Variants in PDZK1 observed in about 807,000 individuals in gnomAD.
PDZK1 encodes PDZ domain containing 1, also known as Na(+)/H(+) exchange regulatory cofactor NHE-RF3.
A neutral mutation model predicts 38.1 loss-of-function variants in PDZK1; 23 were observed. That is an observed-to-expected ratio of 0.60 (90% CI 0.43 to 0.85). The LOEUF (loss-of-function observed/expected upper bound fraction) is 0.85, where lower values mean the gene tolerates loss of function less well. Among genes scored for constraint, PDZK1 ranks in the 40% least tolerant of loss-of-function variants. PDZK1 has a pLI of 0.00. For missense variants in PDZK1, 297 were observed against 504.3 expected (o/e 0.59, Z 3.94); for synonymous variants, 98 against 186.2 (o/e 0.53, Z 3.86).
intron 1 of PDZK1, among the ~76,000 whole-genome samples, chr1:145,693,771 CAAA>C (rs35999622): frequency 7.2e-6 from 1 of 139,720 alleles, no homozygotes. Flanking sequence ...GAGACTCCAC[CAAA>C]AAAAAAAAAA....
chr1:145,689,847 T>C (rs1655095851), intron 1 of PDZK1, among the ~76,000 whole-genome samples: 1 of 152,032 alleles, frequency 6.6e-6, no homozygotes, highest in Admixed American at 6.5e-5. Context: ...AAGATAGCCA[T>C]CCCTGACCTT....
chr1:145,679,162 T>A (rs1653997571), intron 5 of PDZK1, among the ~76,000 whole-genome samples: 1 of 151,124 alleles, frequency 6.6e-6, no homozygotes, highest in Non-Finnish European at 1.5e-5. Flanking sequence ...CTTCACCAGA[T>A]GCTGCCTTTT....
At chr1:145,691,130 G>T (rs782066167) in intron 1 of PDZK1, among the ~76,000 whole-genome samples, 1 of 152,142 alleles carries the variant, frequency 6.6e-6, no homozygotes, top group African/African-American at 2.4e-5. Context: ...TATGGCCATC[G>T]ATCTGCATGT....
At chr1:145,701,392 T>G (rs937935824) in intron 1 of PDZK1, among the ~76,000 whole-genome samples, 6 of 151,666 alleles carry the variant, frequency 4.0e-5, no homozygotes, top group African/African-American at 1.5e-4. Flanking sequence ...AGACATTACT[T>G]GCTTTCCACT....
In PDZK1 at chr1:145,677,367, C is replaced by T. The variant is rs587698198; in HGVS notation, c.990+1082G>A. 5.2e-4 allele frequency among the ~76,000 whole-genome samples: 79 copies of T among 150,704 alleles called. 1 individual carries two copies. Among genetic ancestry groups the T allele is most frequent in the African/African-American group, 1.9e-3 (78 of 40,872 alleles). ...ATCCAGCAAATGAATTATCTAGTGCCACTTTAAGTATGTTAATATATTTTC... is the reference window on the plus strand; with the variant it reads ...ATCCAGCAAATGAATTATCTAGTGCTACTTTAAGTATGTTAATATATTTTC... On this transcript the variant is annotated intron_variant, in intron 6 of 8. Coordinates refer to ENST00000417171, the MANE Select transcript of PDZK1 (RefSeq NM_001201325.2).
intron 1 of PDZK1, among the ~76,000 whole-genome samples, chr1:145,705,503 C>A (rs1656194885): frequency 6.6e-6 from 1 of 152,082 alleles, no homozygotes; most frequent in East Asian, 1.9e-4. Flanking sequence ...TTAATTCATA[C>A]CCCAATGACA....
chr1:145,686,030 A>G (rs587724644), intron 3 of PDZK1, among the ~76,000 whole-genome samples: 5 of 152,230 alleles, frequency 3.3e-5, no homozygotes, highest in African/African-American at 1.2e-4. Context: ...TGTTGAATAA[A>G]TGAATGACTA....
chr1:145,698,257 C>T (rs1316503194), intron 1 of PDZK1, among the ~76,000 whole-genome samples: 3 of 152,038 alleles, frequency 2.0e-5, no homozygotes, highest in African/African-American at 7.3e-5. Context: ...AGACAACTGC[C>T]TGAGGAAGAG....
chr1:145,689,201 A>G (rs1448956240), intron 1 of PDZK1, among the ~76,000 whole-genome samples: 1 of 152,170 alleles, frequency 6.6e-6, no homozygotes, highest in African/African-American at 2.4e-5. Flanking sequence ...CTCCCACCTC[A>G]GCCTCCTGAA....
Position 145,686,560 on chromosome 1 carries a change from C to A in PDZK1, c.377G>T (p.Gly126Val), listed in dbSNP as rs782739968. 1.4e-5 allele frequency: 22 copies of A among 1,611,342 alleles called. No homozygotes were observed. Among genetic ancestry groups the A allele is most frequent in the Non-Finnish European group, 1.9e-5 (22 of 1,179,516 alleles). Residue 126 changes from glycine to valine, a missense_variant, in exon 3 of 9, where the codon GGT (glycine) becomes GTT (valine). Around this residue, in one of 5 missense-constraint regions of PDZK1, gnomAD observed 159 missense variants for 200.0 expected, o/e 0.79. Coordinates refer to ENST00000417171, the MANE Select transcript of PDZK1 (RefSeq NM_001201325.2). ...DNILSPVMNG[G>V]VQTWTQPRLC... ...CCGGGGCTGGGTCCAAGTTTGCACACCTCCATTCATCACAGGGGAAAGTAT... is the reference window on the plus strand; with the variant it reads ...CCGGGGCTGGGTCCAAGTTTGCACAACTCCATTCATCACAGGGGAAAGTAT...
intron 6 of PDZK1, among the ~76,000 whole-genome samples, chr1:145,676,814 CTAAA>C (rs1458701376): frequency 1.3e-5 from 2 of 151,982 alleles, no homozygotes; most frequent in East Asian, 3.9e-4. Flanking sequence ...CTTACTCAAG[CTAAA>C]TACTCACATG....
At chr1:145,675,969 G>C (rs1490222350) in intron 6 of PDZK1, among the ~76,000 whole-genome samples, 33 of 151,842 alleles carry the variant, frequency 2.2e-4, no homozygotes, top group Non-Finnish European at 3.8e-4. Flanking sequence ...AGTGAGCTGA[G>C]AACATACCAT....
At chr1:145,679,787 G>C (rs2101885348) in intron 5 of PDZK1, among the ~76,000 whole-genome samples, 1 of 152,018 alleles carries the variant, frequency 6.6e-6, no homozygotes, top group African/African-American at 2.4e-5. Flanking sequence ...CCCTTATACT[G>C]CTCAAAAAAC....
rs147102559 is a variant in PDZK1, at chr1:145,692,129, T to A, written c.-2-4106A>T. Reference sequence around the variant, plus strand: ...TTTAGAAGTTAGGAAGGCTTGGTAATGAAAAGGAGGGTGGTATGACCTCTG... The same window carrying A: ...TTTAGAAGTTAGGAAGGCTTGGTAAAGAAAAGGAGGGTGGTATGACCTCTG... On this transcript the variant is annotated intron_variant, in intron 1 of 8. Coordinates refer to ENST00000417171, the MANE Select transcript of PDZK1 (RefSeq NM_001201325.2). Among the ~76,000 whole-genome samples, 222 of 152,214 alleles carry A rather than the reference T, an allele frequency of 1.5e-3. 2 individuals are homozygous for A. Among genetic ancestry groups the A allele is most frequent in the African/African-American group, 5.3e-3 (220 of 41,530 alleles).
chr1:145,680,716 C>T (rs1328602271), intron 5 of PDZK1, among the ~76,000 whole-genome samples, 196 bp downstream of exon 5: 1 of 149,248 alleles, frequency 6.7e-6, no homozygotes, highest in African/African-American at 2.5e-5. Context: ...CCAAATTCTG[C>T]CTTATCATAA....
intron 1 of PDZK1, among the ~76,000 whole-genome samples, chr1:145,695,463 AAG>A (rs1279441650): frequency 2.0e-5 from 3 of 151,852 alleles, no homozygotes; most frequent in Admixed American, 6.6e-5. Flanking sequence ...AGAGGAGAGC[AAG>A]AGAGAGAGAA....
chr1:145,707,270 AG>A (rs1293411002), intron 1 of PDZK1, 46 bp downstream of exon 1: 1 of 152,562 alleles, frequency 6.6e-6, no homozygotes, highest in African/African-American at 2.4e-5. Context: ...AAGGTAGTTC[AG>A]GCCCCGGTGG....
intron 6 of PDZK1, among the ~76,000 whole-genome samples, chr1:145,677,058 T>C (rs1314786103): frequency 1.3e-5 from 2 of 152,204 alleles, no homozygotes; most frequent in Non-Finnish European, 2.9e-5. Flanking sequence ...GGTAACTATA[T>C]TACCAGGTAT....
At chr1:145,679,761 T>TG (rs1654053022) in intron 5 of PDZK1, among the ~76,000 whole-genome samples, 1 of 152,246 alleles carries the variant, frequency 6.6e-6, no homozygotes, top group African/African-American at 2.4e-5. Flanking sequence ...CATTATAGGC[T>TG]GGTTTTTGTT....
Sources: allele counts gnomAD v4.1 joint callset (sites outside exome capture counted in the v4.1 genomes callset), GRCh38; gene constraint gnomAD v4.1.1; regional missense constraint gnomAD v4.1.1; transcripts MANE v1.5; gene names NCBI Gene and HGNC (gene_info 2026-07-23, HGNC 2026-07-21).